The following KDM6A variants were observed in gnomAD, a reference collection of about 807,000 sequenced individuals.
KDM6A encodes lysine demethylase 6A, also known as lysine-specific demethylase 6A.
A neutral mutation model predicts 117.6 loss-of-function variants in KDM6A; 11 were observed. That is an observed-to-expected ratio of 0.09 (90% CI 0.06 to 0.15). The LOEUF (loss-of-function observed/expected upper bound fraction) is 0.15, where lower values mean the gene tolerates loss of function less well. Ranked by LOEUF, KDM6A falls within the 10% of genes least tolerant of loss-of-function variation. The pLI is 1.00. For synonymous variants in KDM6A, 384 were observed against 396.1 expected, an observed-to-expected ratio of 0.97 and a Z score of 0.36; for missense variants, 799 against 1,077.3, an observed-to-expected ratio of 0.74 and a Z score of 3.62.
intron 2 of KDM6A, among the ~76,000 whole-genome samples, chrX:44,907,619 A>AT (rs762742687): frequency 6.7e-5 from 7 of 105,140 alleles, no homozygotes; most frequent in South Asian, 4.3e-4. Context: ...AGTAGCATGT[A>AT]TTTTTTTTAG....
chrX:45,107,626 A>G (rs2046579278), intron 28 of KDM6A, 90 bp downstream of exon 28: 2 of 917,534 alleles, frequency 2.2e-6, no homozygotes, highest in Admixed American at 2.6e-5. Context: ...ACTTTTTTAT[A>G]CTTTTATGTA....
At chrX:45,067,644 C>CTTTTTTTT (rs1267780901) in intron 17 of KDM6A, among the ~76,000 whole-genome samples, 8 of 90,054 alleles carry the variant, frequency 8.9e-5, no homozygotes, top group African/African-American at 2.2e-4. Flanking sequence ...TGGTGTGTAT[C>CTTTTTTTT]TTTTTTTTGT....
At chrX:45,067,463 C>T (rs1189840478) in intron 17 of KDM6A, among the ~76,000 whole-genome samples, 1 of 110,876 alleles carries the variant, frequency 9.0e-6, no homozygotes, top group African/African-American at 3.3e-5. Context: ...AACTCACCTA[C>T]CCAGACTTTC....
At chrX:44,924,742 G>A (rs1231857945) in intron 2 of KDM6A, among the ~76,000 whole-genome samples, 2 of 110,067 alleles carry the variant, frequency 1.8e-5, no homozygotes, top group East Asian at 5.8e-4. Context: ...TGGCTGGAGT[G>A]CAGTGGCACG....
At chrX:44,941,522 C>G (rs1484026336) in intron 2 of KDM6A, among the ~76,000 whole-genome samples, 1 of 106,694 alleles carries the variant, frequency 9.4e-6, no homozygotes, top group African/African-American at 3.5e-5. Context: ...GCTGTGTTGC[C>G]CAGGCTGGAG....
At chrX:45,094,731 T>C (rs2046032747) in intron 27 of KDM6A, among the ~76,000 whole-genome samples, 1 of 111,732 alleles carries the variant, frequency 8.9e-6, no homozygotes, top group Non-Finnish European at 1.9e-5. Flanking sequence ...CTGCTGTCAT[T>C]CTCTCCACTA....
In KDM6A at chrX:45,053,860, A is replaced by G; in HGVS notation, c.780A>G (p.Gly260=). 8.4e-7 allele frequency: 1 copy of G among 1,195,778 alleles called. No homozygotes were observed. The highest frequency in any genetic ancestry group is 1.8e-5 in the South Asian group (1 of 56,544). The part of the protein sequence containing the change: ...GWMHHTVDLL[G]DKATKESYAI... ...TGCATCACACTGTAGATCTCCTGGG[A>G]GATAAAGCCACCAAGGAAAGCTATG... The change falls in exon 10 of 30, where the codon GGA becomes GGG. Residue 260 remains glycine (G), a synonymous_variant. Coordinates refer to ENST00000611820, the MANE Select transcript of KDM6A (RefSeq NM_001291415.2).
At chrX:45,040,190 C>T (rs776500126) in intron 8 of KDM6A, among the ~76,000 whole-genome samples, 4 of 91,345 alleles carry the variant, frequency 4.4e-5, no homozygotes, top group African/African-American at 1.2e-4. Flanking sequence ...GGCAGAGGGG[C>T]TCCTTACTTC....
intron 8 of KDM6A, among the ~76,000 whole-genome samples, chrX:45,042,817 TGAA>T (rs948414245): frequency 9.0e-6 from 1 of 111,622 alleles, no homozygotes; most frequent in Non-Finnish European, 1.9e-5. Context: ...CACTAATAAA[TGAA>T]GAAGGATCAT....
At chrX:44,992,206 C>CTTTTTTTTTTTTTTTTT (rs779979560) in intron 4 of KDM6A, among the ~76,000 whole-genome samples, 1 of 32,039 alleles carries the variant, frequency 3.1e-5, no homozygotes, top group African/African-American at 1.0e-4. Flanking sequence ...CTGTCTTCTT[C>CTTTTTTTTTTTTTTTTT]TTTTTTTTTT....
In KDM6A at chrX:45,059,353, C is replaced by T. The variant is rs2147961334; in HGVS notation, c.1081C>T (p.Leu361Phe). 8.3e-7 allele frequency: 1 copy of T among 1,210,743 alleles called. No homozygotes were observed. The highest frequency in any genetic ancestry group is 1.1e-6 in the Non-Finnish European group (1 of 894,723). Residue 361 changes from leucine to phenylalanine, a missense_variant, in exon 12 of 30, where the codon CTC becomes TTC. Transcript: ENST00000611820. ...HAAAWMDLGT[L>F]YESCNQPQDA... is the part of the protein sequence containing the mutation. ...TGCAGCCTGGATGGACCTAGGCACT[C>T]TCTATGAATCCTGCAACCAGCCTCA...
intron 4 of KDM6A, among the ~76,000 whole-genome samples, chrX:44,988,977 TTTG>T (rs1298771829): frequency 1.8e-5 from 2 of 109,365 alleles, no homozygotes; most frequent in African/African-American, 3.3e-5. Context: ...TCTGCTGCCT[TTTG>T]TTTGGCTATG....
At chrX:44,939,340 G>A (rs1400856418) in intron 2 of KDM6A, among the ~76,000 whole-genome samples, 1 of 112,075 alleles carries the variant, frequency 8.9e-6, no homozygotes, top group Non-Finnish European at 1.9e-5. Context: ...GACTCTGAAG[G>A]GTTCTAGACT....
chrX:44,887,412 A>G (rs908475980), intron 2 of KDM6A, among the ~76,000 whole-genome samples: 1 of 111,223 alleles, frequency 9.0e-6, no homozygotes, highest in African/African-American at 3.3e-5. Context: ...ATTTTCAGCT[A>G]GTTTAGTTTA....
intron 17 of KDM6A, among the ~76,000 whole-genome samples, chrX:45,067,913 A>G (rs1390737777): frequency 9.0e-6 from 1 of 110,736 alleles, no homozygotes; most frequent in Non-Finnish European, 1.9e-5. Context: ...TGGCCTCCCA[A>G]TGTGCTGGGA....
intron 4 of KDM6A, among the ~76,000 whole-genome samples, chrX:44,995,534 C>T (rs1213484732): frequency 2.7e-5 from 3 of 110,509 alleles, no homozygotes; most frequent in South Asian, 3.9e-4. Context: ...TGCAGTGGTG[C>T]GATCTTGGCT....
At chrX:45,046,568 A>G (rs914734919) in intron 8 of KDM6A, among the ~76,000 whole-genome samples, 2 of 112,086 alleles carry the variant, frequency 1.8e-5, no homozygotes, top group African/African-American at 6.5e-5. Context: ...TCAGCAAAGT[A>G]TATTAAATAC....
chrX:45,058,003 A>G (rs2044145116), intron 10 of KDM6A, among the ~76,000 whole-genome samples: 1 of 107,789 alleles, frequency 9.3e-6, no homozygotes, highest in Admixed American at 1.0e-4. Context: ...CAAACGTGCC[A>G]TATACTGGCT....
At position 45,053,996 on chromosome X, in the gene KDM6A, C is replaced by G. The variant is rs144429700; in HGVS notation, c.875+41C>G. Reference sequence around the variant, plus strand: ...CATTTATGTTTGATTTTGTCTATTCCAGCTAAGAGATTTGAATTACAATTT... The same window carrying G: ...CATTTATGTTTGATTTTGTCTATTCGAGCTAAGAGATTTGAATTACAATTT... On this transcript the variant is annotated intron_variant, in intron 10 of 29. Transcript: ENST00000611820. 1.5e-4 allele frequency: 171 copies of G among 1,164,911 alleles called. No homozygotes were observed. The African/African-American group carries it at 2.3e-3, about 16-fold the overall frequency.
Sources: allele counts gnomAD v4.1 joint callset (sites outside exome capture counted in the v4.1 genomes callset), GRCh38; gene constraint gnomAD v4.1.1; transcripts MANE v1.5; gene names NCBI Gene and HGNC (gene_info 2026-07-23, HGNC 2026-07-21).